The following CFAP299 variants were observed in gnomAD, a reference collection of about 807,000 sequenced individuals.
CFAP299 encodes cilia and flagella associated protein 299, also known as cilia- and flagella-associated protein 299.
In CFAP299, 21 loss-of-function variants were observed where a neutral mutation model predicts 27.0. The observed-to-expected ratio is 0.78, with a 90% CI of 0.55 to 1.12. The LOEUF (loss-of-function observed/expected upper bound fraction) is 1.12, where lower values mean the gene tolerates loss of function less well. Among genes scored for constraint, CFAP299 ranks in the 50% most tolerant of loss-of-function variants. The pLI is 0.00. For synonymous variants in CFAP299, 104 were observed against 98.1 expected (o/e 1.06, Z -0.36); for missense variants, 310 against 276.6 (o/e 1.12, Z -0.86).
At chr4:80,444,369 A>G (rs1051887898) in intron 2 of CFAP299, among the ~76,000 whole-genome samples, 6 of 152,184 alleles carry the variant, frequency 3.9e-5, no homozygotes, top group Non-Finnish European at 8.8e-5. Flanking sequence ...CTCAGAAATA[A>G]CACCACACAT....
At chr4:80,407,891 A>G (rs1222625909) in intron 2 of CFAP299, among the ~76,000 whole-genome samples, 2 of 152,240 alleles carry the variant, frequency 1.3e-5, no homozygotes, top group Non-Finnish European at 2.9e-5. Context: ...TTACAAAGAA[A>G]TGATAGTACT....
intron 2 of CFAP299, among the ~76,000 whole-genome samples, chr4:80,531,199 A>G (rs1578560349): frequency 6.6e-6 from 1 of 152,176 alleles, no homozygotes; most frequent in Non-Finnish European, 1.5e-5. Flanking sequence ...TATTCCAGGC[A>G]TATTTTGAAA....
chr4:80,744,153 G>C (rs189087470), intron 3 of CFAP299, among the ~76,000 whole-genome samples: 1 of 152,130 alleles, frequency 6.6e-6, no homozygotes, highest in Admixed American at 6.5e-5. Context: ...AAAGAGAAAA[G>C]GGTAGGAAAA....
intron 2 of CFAP299, among the ~76,000 whole-genome samples, chr4:80,504,462 C>CACAT (rs1553929226): frequency 5.3e-5 from 2 of 37,760 alleles, no homozygotes; most frequent in African/African-American, 8.7e-5. Flanking sequence ...TAAAATCTCA[C>CACAT]ATATATATAT....
At chr4:80,533,414 G>A in intron 2 of CFAP299, among the ~76,000 whole-genome samples, 1 of 152,300 alleles carries the variant, frequency 6.6e-6, no homozygotes, top group Non-Finnish European at 1.5e-5. Context: ...TTACTGGAAT[G>A]TTCCAATCTC....
intron 4 of CFAP299, among the ~76,000 whole-genome samples, chr4:80,874,835 C>T (rs879467922): frequency 7.2e-5 from 11 of 152,014 alleles, no homozygotes; most frequent in East Asian, 3.9e-4. Context: ...ATATGGCCAC[C>T]GAGTACTTGA....
intron 3 of CFAP299, among the ~76,000 whole-genome samples, chr4:80,627,192 A>G (rs1210663272): frequency 1.3e-5 from 2 of 151,950 alleles, no homozygotes; most frequent in Non-Finnish European, 2.9e-5. Context: ...ATGGTCCTAT[A>G]TATGCAAATC....
intron 3 of CFAP299, among the ~76,000 whole-genome samples, chr4:80,852,225 T>A (rs893506056): frequency 6.6e-6 from 1 of 152,178 alleles, no homozygotes; most frequent in African/African-American, 2.4e-5. Flanking sequence ...GTTCTCAAAG[T>A]GCAATTCCCT....
At position 80,386,207 on chromosome 4, in the gene CFAP299, C is replaced by T. The variant is rs1724971788; in HGVS notation, c.242+23323C>T. On this transcript the variant is annotated intron_variant, in intron 2 of 5. Transcript: ENST00000358105. ...TCTGAGGCCTCGATGTAGATGAGCA[C>T]AGCGAGCATGGCACATGGGCCCTCG... is the stretch of plus-strand genomic sequence containing the variant. The T allele has an allele frequency of 6.4e-6, 6 of 940,358 alleles. No homozygotes were observed. The South Asian group carries it at 8.0e-5, about 13-fold the overall frequency. The allele number at this position is 940,358 out of a possible 1,614,324, so 58.3% of individuals were successfully genotyped here.
chr4:80,376,576 G>A (rs1190880915), intron 2 of CFAP299, among the ~76,000 whole-genome samples: 2 of 152,098 alleles, frequency 1.3e-5, no homozygotes, highest in Non-Finnish European at 2.9e-5. Flanking sequence ...AGAACACATG[G>A]TATTGACAGT....
intron 2 of CFAP299, among the ~76,000 whole-genome samples, chr4:80,397,955 A>G (rs899817572): frequency 6.6e-6 from 1 of 152,154 alleles, no homozygotes; most frequent in African/African-American, 2.4e-5. Flanking sequence ...CTCAGCCCAA[A>G]ATCTCCTTAA....
At chr4:80,791,275 A>G (rs1383345792) in intron 3 of CFAP299, among the ~76,000 whole-genome samples, 1 of 152,014 alleles carries the variant, frequency 6.6e-6, no homozygotes, top group Non-Finnish European at 1.5e-5. Context: ...TGTGGTCTTT[A>G]AGGTCATATA....
intron 3 of CFAP299, among the ~76,000 whole-genome samples, chr4:80,829,105 G>A (rs1578162623): frequency 6.6e-6 from 1 of 151,812 alleles, no homozygotes; most frequent in East Asian, 1.9e-4. Context: ...AAAAACTTTT[G>A]TACATTAAAG....
intron 2 of CFAP299, among the ~76,000 whole-genome samples, chr4:80,369,141 G>T (rs1157298535): frequency 1.3e-5 from 2 of 152,218 alleles, no homozygotes; most frequent in Non-Finnish European, 2.9e-5. Context: ...AAGAAAAGTT[G>T]AGGCCAATCT....
chr4:80,905,376 T>C (rs1012390727), intron 4 of CFAP299, among the ~76,000 whole-genome samples: 2 of 152,200 alleles, frequency 1.3e-5, no homozygotes, highest in African/African-American at 4.8e-5. Flanking sequence ...ACATGGACTG[T>C]CTTCTGATTC....
chr4:80,357,152 A>G (rs968960826), intron 1 of CFAP299, among the ~76,000 whole-genome samples: 1 of 152,170 alleles, frequency 6.6e-6, no homozygotes, highest in African/African-American at 2.4e-5. Context: ...ATTGATTTAC[A>G]TATGTTGAAC....
At chr4:80,866,726 C>A (rs759504120) in intron 3 of CFAP299, among the ~76,000 whole-genome samples, 26 of 152,144 alleles carry the variant, frequency 1.7e-4, no homozygotes, top group Non-Finnish European at 3.7e-4. Flanking sequence ...CATCAGAAAA[C>A]CAAGAATTCA....
intron 4 of CFAP299, among the ~76,000 whole-genome samples, chr4:80,942,393 A>G (rs950220883): frequency 2.0e-5 from 3 of 152,134 alleles, no homozygotes; most frequent in Non-Finnish European, 2.9e-5. Flanking sequence ...TACCTACTCC[A>G]TGGATTTGGT....
In CFAP299 at chr4:80,930,458, G is replaced by A. The variant is rs368091759; in HGVS notation, c.477-14352G>A. 1.8e-3 allele frequency among the ~76,000 whole-genome samples: 268 copies of A among 152,276 alleles called. 2 individuals are homozygous for A. Among genetic ancestry groups the A allele is most frequent in the African/African-American group, 6.0e-3 (249 of 41,562 alleles). ...ATAAAGCAACTTAAATCTTGTGATT[G>A]ACATCTGAAGTGGATGTTGTGGGCG... is the stretch of plus-strand genomic sequence containing the variant. On this transcript the variant is annotated intron_variant, in intron 4 of 5. Transcript: ENST00000358105.
Sources: gnomAD v4.1 joint callset for allele counts (sites outside exome capture counted in the v4.1 genomes callset) on GRCh38, gnomAD v4.1.1 for gene constraint, MANE v1.5 for transcripts, NCBI Gene and HGNC (gene_info 2026-07-23, HGNC 2026-07-21) for gene names.